Variants in BMAL1 observed in about 807,000 individuals in gnomAD.
BMAL1 encodes basic helix-loop-helix ARNT like 1, also known as basic helix-loop-helix ARNT-like protein 1.
chr11:13,307,101 C>T, the BMAL1 span, among the ~76,000 whole-genome samples: 1 of 152,168 alleles, frequency 6.6e-6, no homozygotes, highest in African/African-American at 2.4e-5. Flanking sequence ...GTCTGCCCAC[C>T]CCTGTTGGGG....
At chr11:13,362,201 G>A in the BMAL1 span, among the ~76,000 whole-genome samples, 15 of 152,198 alleles carry the variant, frequency 9.9e-5, no homozygotes, top group Admixed American at 9.8e-4. Flanking sequence ...ATTGGCCTGA[G>A]GTTGAATGGG....
chr11:13,344,356 T>G, the BMAL1 span, among the ~76,000 whole-genome samples: 1 of 152,220 alleles, frequency 6.6e-6, no homozygotes, highest in Admixed American at 6.5e-5. Flanking sequence ...TCAACAAATA[T>G]CTGCCACTTC....
the BMAL1 span, chr11:13,360,410 C>T: frequency 1.2e-6 from 2 of 1,613,332 alleles, no homozygotes; most frequent in Non-Finnish European, 1.7e-6. Context: ...TGAATTGAAA[C>T]ACCTCATTCT....
the BMAL1 span, chr11:13,356,316 T>G: frequency 2.2e-6 from 1 of 464,048 alleles, no homozygotes; most frequent in Non-Finnish European, 4.3e-6. Context: ...TGTATGCACA[T>G]TTATCTTTGA....
chr11:13,364,423 G>C, the BMAL1 span, among the ~76,000 whole-genome samples: 1 of 152,184 alleles, frequency 6.6e-6, no homozygotes, highest in African/African-American at 2.4e-5. Context: ...CTAGTTCTTT[G>C]AATTAAACCA....
the BMAL1 span, among the ~76,000 whole-genome samples, chr11:13,352,669 T>A: frequency 6.6e-6 from 1 of 152,156 alleles, no homozygotes; most frequent in African/African-American, 2.4e-5. Context: ...TGCAAGGAAA[T>A]ATATGCACAA....
chr11:13,380,886 C>T, the BMAL1 span: 1 of 336,792 alleles, frequency 3.0e-6, no homozygotes, highest in East Asian at 5.7e-5. Context: ...GCCTGTAGAA[C>T]AAATCCAGCT....
At chr11:13,300,830 GACAA>G in the BMAL1 span, among the ~76,000 whole-genome samples, 1 of 152,192 alleles carries the variant, frequency 6.6e-6, no homozygotes, top group Admixed American at 6.5e-5. Flanking sequence ...GAATGAAATT[GACAA>G]ACAGACAACA....
the BMAL1 span, chr11:13,358,641 C>T: frequency 3.4e-6 from 5 of 1,469,484 alleles, no homozygotes; most frequent in East Asian, 2.5e-5. Context: ...ACAAATGTTA[C>T]CACCCTTGCC....
the BMAL1 span, among the ~76,000 whole-genome samples, chr11:13,284,279 A>T: frequency 4.0e-5 from 4 of 100,084 alleles, no homozygotes; most frequent in Non-Finnish European, 8.2e-5. Flanking sequence ...TTTTTTTTTA[A>T]TGCCAGTTGT....
At chr11:13,348,064 A>C in the BMAL1 span, among the ~76,000 whole-genome samples, 2 of 152,262 alleles carry the variant, frequency 1.3e-5, no homozygotes, top group Non-Finnish European at 2.9e-5. Context: ...GGCGTGAAGG[A>C]GCCTGGGCAG....
the BMAL1 span, among the ~76,000 whole-genome samples, chr11:13,344,295 G>A: frequency 7.3e-4 from 111 of 152,236 alleles, 1 homozygote; most frequent in African/African-American, 2.5e-3. Context: ...AAAAAAGCAC[G>A]CCTTCCTCAA....
chr11:13,317,127 T>C, the BMAL1 span, among the ~76,000 whole-genome samples: 1 of 152,300 alleles, frequency 6.6e-6, no homozygotes, highest in South Asian at 2.1e-4. Context: ...TCTGTTAACA[T>C]TGTTTTTGTT....
chr11:13,374,740 C>T, the BMAL1 span, among the ~76,000 whole-genome samples: 2 of 152,220 alleles, frequency 1.3e-5, no homozygotes, highest in Admixed American at 1.3e-4. Flanking sequence ...TCTCTGATCC[C>T]TCTCACCCCC....
chr11:13,323,330 G>A, the BMAL1 span, among the ~76,000 whole-genome samples: 1 of 152,156 alleles, frequency 6.6e-6, no homozygotes, highest in Non-Finnish European at 1.5e-5. Context: ...TTGTCTTCCT[G>A]AGCCCCCAAC....
the BMAL1 span, among the ~76,000 whole-genome samples, chr11:13,292,561 A>T: frequency 3.3e-5 from 5 of 150,008 alleles, no homozygotes; most frequent in African/African-American, 9.8e-5. Context: ...AAAAAAAAAT[A>T]AAATAAAATG....
the BMAL1 span, chr11:13,354,232 T>G: frequency 2.7e-6 from 1 of 369,498 alleles, no homozygotes; most frequent in Non-Finnish European, 4.1e-6. Flanking sequence ...AGCACCAACC[T>G]GGGTTCTCCA....
At chr11:13,284,793 T>G in the BMAL1 span, among the ~76,000 whole-genome samples, 10 of 152,170 alleles carry the variant, frequency 6.6e-5, no homozygotes, top group African/African-American at 2.4e-4. Flanking sequence ...CAGGCCAGCT[T>G]TGCCTGCTAA....
At chr11:13,293,270 A>G in the BMAL1 span, among the ~76,000 whole-genome samples, 1 of 152,238 alleles carries the variant, frequency 6.6e-6, no homozygotes, top group Non-Finnish European at 1.5e-5. Context: ...AAGGAAATTC[A>G]CCAGTGTGAC....
Sources: allele counts gnomAD v4.1 joint callset (sites outside exome capture counted in the v4.1 genomes callset), GRCh38; gene constraint gnomAD v4.1.1; transcripts MANE v1.5; gene names NCBI Gene and HGNC (gene_info 2026-07-23, HGNC 2026-07-21).